ECHDC1: variants seen among roughly 807,000 people sequenced by gnomAD.
ECHDC1 encodes ethylmalonyl-CoA decarboxylase 1.
In ECHDC1, 29 loss-of-function variants were observed where a neutral mutation model predicts 29.7. The observed-to-expected ratio is 0.98, with a 90% CI of 0.73 to 1.33. The LOEUF (loss-of-function observed/expected upper bound fraction) is 1.33, where lower values mean the gene tolerates loss of function less well. ECHDC1 is among the 40% of genes most tolerant of loss of function. The probability of loss-of-function intolerance (pLI) is 0.00; values close to 1 mark genes in which losing one functional copy is unlikely to be tolerated. For missense variants in ECHDC1, 328 were observed against 350.0 expected (o/e 0.94, Z 0.50); for synonymous variants, 126 against 123.1 (o/e 1.02, Z -0.15).
chr6:127,324,848 A>G (rs1407937807), intron 3 of ECHDC1, among the ~76,000 whole-genome samples: 1 of 152,214 alleles, frequency 6.6e-6, no homozygotes, highest in Non-Finnish European at 1.5e-5. Context: ...ATTGATATAA[A>G]TAACTGAATA....
chr6:127,320,671 C>A (rs533957932), intron 3 of ECHDC1, among the ~76,000 whole-genome samples: 8 of 152,236 alleles, frequency 5.3e-5, no homozygotes, highest in African/African-American at 9.6e-5. Flanking sequence ...GGCATCAAAT[C>A]CAAGTCTTAA....
At chr6:127,340,922 A>G (rs1420919576) in intron 1 of ECHDC1, among the ~76,000 whole-genome samples, 45 of 152,110 alleles carry the variant, frequency 3.0e-4, no homozygotes, top group Admixed American at 6.5e-5. Flanking sequence ...GTCTTGATAC[A>G]TTACCCCTCT....
chr6:127,290,519 C>T (rs1780070970), intron 5 of ECHDC1, among the ~76,000 whole-genome samples: 3 of 151,904 alleles, frequency 2.0e-5, no homozygotes, highest in Admixed American at 2.0e-4. Context: ...AAACAAGAAC[C>T]TTCTAAAAGC....
intron 3 of ECHDC1, among the ~76,000 whole-genome samples, chr6:127,324,277 T>G (rs1783104291): frequency 6.6e-6 from 1 of 152,204 alleles, no homozygotes; most frequent in South Asian, 2.1e-4. Context: ...ATTTAAAATG[T>G]TACAGTAGCT....
At chr6:127,338,608 G>A (rs747123698) in intron 1 of ECHDC1, among the ~76,000 whole-genome samples, 1 of 151,976 alleles carries the variant, frequency 6.6e-6, no homozygotes, top group Non-Finnish European at 1.5e-5. Context: ...CTCTGCTAGG[G>A]AGTAAAGTAA....
At chr6:127,304,064 G>C (rs1781262161) in intron 5 of ECHDC1, among the ~76,000 whole-genome samples, 1 of 152,148 alleles carries the variant, frequency 6.6e-6, no homozygotes, top group Non-Finnish European at 1.5e-5. Flanking sequence ...AGTATCCAGG[G>C]GGTGGTTATG....
intron 5 of ECHDC1, among the ~76,000 whole-genome samples, chr6:127,311,566 T>G (rs1300121594): frequency 6.9e-6 from 1 of 145,810 alleles, no homozygotes; most frequent in Non-Finnish European, 1.5e-5. Flanking sequence ...TCGCAGCTAC[T>G]AGGAGGCTGA....
At chr6:127,332,231 A>C (rs951454647) in intron 1 of ECHDC1, among the ~76,000 whole-genome samples, 1 of 152,144 alleles carries the variant, frequency 6.6e-6, no homozygotes, top group Non-Finnish European at 1.5e-5. Context: ...ACTTTATATA[A>C]ATACTATATA....
At chr6:127,311,426 C>T (rs1297436878) in intron 5 of ECHDC1, among the ~76,000 whole-genome samples, 2 of 152,052 alleles carry the variant, frequency 1.3e-5, no homozygotes, top group East Asian at 3.9e-4. Context: ...GTAATCCCAG[C>T]ACTTTGGGAG....
intron 5 of ECHDC1, among the ~76,000 whole-genome samples, chr6:127,301,663 T>C (rs1198221335): frequency 6.6e-6 from 1 of 152,210 alleles, no homozygotes; most frequent in African/African-American, 2.4e-5. Flanking sequence ...CAGTATGCAA[T>C]CCTCTCTATT....
rs138965120 is a variant in ECHDC1 at position 127,330,389 on chromosome 6, T to A, written c.220+420A>T. ...AAAACTAACAATGATTTTATTTCAATTCACAGAAAAAAATTAAGCTAAATA... is the reference window on the plus strand; with the variant it reads ...AAAACTAACAATGATTTTATTTCAAATCACAGAAAAAAATTAAGCTAAATA... On this transcript the variant is annotated intron_variant, in intron 2 of 5. Coordinates refer to ENST00000454859, the MANE Select transcript of ECHDC1 (RefSeq NM_001002030.2). Among the ~76,000 whole-genome samples, 308 of 152,324 alleles carry A rather than the reference T, an allele frequency of 2.0e-3. 1 individual carries two copies. The highest frequency in any genetic ancestry group is 3.1e-3 in the Admixed American group (48 of 15,292).
intron 5 of ECHDC1, among the ~76,000 whole-genome samples, chr6:127,293,675 C>T (rs1051384637): frequency 1.3e-5 from 2 of 152,102 alleles, no homozygotes; most frequent in African/African-American, 2.4e-5. Context: ...CAAGAGAATA[C>T]AGTATTACCT....
intron 1 of ECHDC1, 171 bp downstream of exon 1, chr6:127,343,165 G>C (rs1342318457): frequency 9.2e-5 from 14 of 152,202 alleles, no homozygotes; most frequent in Admixed American, 7.8e-4. Flanking sequence ...TCCAGCGCGG[G>C]GCAGGCCTGC....
chr6:127,330,428 A>G (rs1306523889), intron 2 of ECHDC1, among the ~76,000 whole-genome samples: 1 of 152,224 alleles, frequency 6.6e-6, no homozygotes, highest in Admixed American at 6.5e-5. Flanking sequence ...CTTTTCATTA[A>G]CAGGCTTTTC....
At position 127,330,943 on chromosome 6, in the gene ECHDC1, G is replaced by C. The variant is rs1295539315; in HGVS notation, c.86C>G (p.Ser29Cys). The change falls in exon 2 of 6, where the codon TCC (serine) becomes TGC (cysteine). Residue 29 changes from serine (S) to cysteine (C), a missense_variant. Ser to Cys is a moderately radical substitution (Grantham distance 112). Coordinates refer to ENST00000454859, the MANE Select transcript of ECHDC1 (RefSeq NM_001002030.2). Reference sequence around the variant, plus strand: ...CACTTCTTCCTCATAAAATCCATGGGATGTACTATAAAGTGACAATCCTGT... The same window carrying C: ...CACTTCTTCCTCATAAAATCCATGGCATGTACTATAAAGTGACAATCCTGT... ...HQTGLSLYST[S>C]HGFYEEEVKK... is the part of the protein sequence containing the mutation. 5 of 1,613,956 alleles carry C rather than the reference G, an allele frequency of 3.1e-6. No homozygotes were observed. The highest frequency in any genetic ancestry group is 4.2e-6 in the Non-Finnish European group (5 of 1,180,026).
chr6:127,323,330 C>T (rs527336191), intron 3 of ECHDC1, among the ~76,000 whole-genome samples: 5 of 151,980 alleles, frequency 3.3e-5, no homozygotes, highest in East Asian at 1.9e-4. Context: ...GGGAAAAATC[C>T]GTCTTTTCAA....
At chr6:127,335,333 T>C (rs1011779882) in intron 1 of ECHDC1, among the ~76,000 whole-genome samples, 16 of 152,082 alleles carry the variant, frequency 1.1e-4, no homozygotes, top group African/African-American at 3.4e-4. Flanking sequence ...AACTACAATA[T>C]TGAAGATACC....
intron 1 of ECHDC1, chr6:127,342,370 A>G (rs1785028487): frequency 1.3e-6 from 2 of 1,548,072 alleles, no homozygotes; most frequent in African/African-American, 2.7e-5. Context: ...TTTCAATGCC[A>G]TGCTTCTTCA....
Position 127,310,029 on chromosome 6 carries a change from C to T in ECHDC1, c.497+4787G>A, listed in dbSNP as rs1781773997. 2.0e-5 allele frequency among the ~76,000 whole-genome samples: 3 copies of T among 151,976 alleles called. No homozygotes were observed. The South Asian group carries it at 6.2e-4, about 32-fold the overall frequency. On this transcript the variant is annotated intron_variant, in intron 5 of 5. Coordinates refer to ENST00000454859, the MANE Select transcript of ECHDC1 (RefSeq NM_001002030.2). ...TTTGGGTGGTGACACAGAGCCAAAC[C>T]ATATCAACAACTGAATTCATGGAGA...
Sources: allele counts gnomAD v4.1 joint callset (sites outside exome capture counted in the v4.1 genomes callset), GRCh38; gene constraint gnomAD v4.1.1; transcripts MANE v1.5; gene names NCBI Gene and HGNC (gene_info 2026-07-23, HGNC 2026-07-21).